The following CAMTA1 variants were observed in gnomAD, a reference collection of about 807,000 sequenced individuals.
CAMTA1 encodes calmodulin-binding transcription activator 1.
A neutral mutation model predicts 170.9 loss-of-function variants in CAMTA1; 27 were observed. The ratio of observed to expected loss-of-function variants is 0.16; its 90% CI spans 0.12 to 0.22. The LOEUF (loss-of-function observed/expected upper bound fraction) is 0.22. CAMTA1 is among the 10% of genes least tolerant of loss of function. CAMTA1 has a pLI of 1.00. For missense variants in CAMTA1, 1,619 were observed against 2,217.2 expected (o/e 0.73, Z 5.42); for synonymous variants, 833 against 891.5 (o/e 0.93, Z 1.17).
intron 2 of CAMTA1, among the ~76,000 whole-genome samples, chr1:6,823,673 T>C (rs1646782254): frequency 6.6e-6 from 1 of 152,198 alleles, no homozygotes; most frequent in Non-Finnish European, 1.5e-5. Flanking sequence ...AGAAGAAGTG[T>C]GTTAATCAGA....
At chr1:7,131,486 T>C (rs181777740) in intron 4 of CAMTA1, among the ~76,000 whole-genome samples, 37 of 152,062 alleles carry the variant, frequency 2.4e-4, no homozygotes, top group African/African-American at 8.0e-4. Context: ...TTAGTTTTTA[T>C]GTGTGGTGTG....
intron 4 of CAMTA1, among the ~76,000 whole-genome samples, chr1:7,182,880 T>A (rs1652496510): frequency 6.6e-6 from 1 of 152,198 alleles, no homozygotes; most frequent in African/African-American, 2.4e-5. Flanking sequence ...GGCTTTGAGC[T>A]GTCATTTTTA....
intron 6 of CAMTA1, among the ~76,000 whole-genome samples, chr1:7,581,299 G>C (rs2095258488): frequency 6.6e-6 from 1 of 152,240 alleles, no homozygotes; most frequent in Non-Finnish European, 1.5e-5. Flanking sequence ...CTGCAGCAAC[G>C]TTCTCTGAAT....
chr1:6,833,266 T>C (rs1651250728), intron 3 of CAMTA1, among the ~76,000 whole-genome samples: 1 of 152,246 alleles, frequency 6.6e-6, no homozygotes, highest in Non-Finnish European at 1.5e-5. Context: ...AGTTTTATTA[T>C]ACTATTACTT....
In CAMTA1 at chr1:7,276,303, A is replaced by ATATAATTTTTTTTTTTT; in HGVS notation, c.438+26678_438+26679insATAATTTTTTTTTTTTT. Among the ~76,000 whole-genome samples, 57 of 24,232 alleles carry ATATAATTTTTTTTTTTT rather than the reference A, an allele frequency of 2.4e-3. 4 individuals are homozygous for ATATAATTTTTTTTTTTT. Among genetic ancestry groups the ATATAATTTTTTTTTTTT allele is most frequent in the African/African-American group, 0.016 (54 of 3,364 alleles). 15.9% of individuals were successfully genotyped at this position (24,232 alleles called of 152,430 possible). ...CATATATATATATATATATATATAT[A>ATATAATTTTTTTTTTTT]TTTTTTTTTTTTTTTTTTCTTTTTG... On this transcript the variant is annotated intron_variant, in intron 5 of 22. Coordinates refer to ENST00000303635, the MANE Select transcript of CAMTA1 (RefSeq NM_015215.4).
At chr1:6,787,138 T>C (rs975010454) in intron 1 of CAMTA1, among the ~76,000 whole-genome samples, 1 of 152,280 alleles carries the variant, frequency 6.6e-6, no homozygotes, top group African/African-American at 2.4e-5. Flanking sequence ...TGCTTCGCAG[T>C]CAGCCATATT....
chr1:7,437,214 A>T (rs1465440234), intron 5 of CAMTA1, among the ~76,000 whole-genome samples: 1 of 152,164 alleles, frequency 6.6e-6, no homozygotes, highest in African/African-American at 2.4e-5. Flanking sequence ...GCCCCTCTTT[A>T]GCCTCCAGGC....
intron 1 of CAMTA1, among the ~76,000 whole-genome samples, chr1:6,810,456 T>C (rs1645029034): frequency 1.3e-5 from 2 of 152,170 alleles, no homozygotes; most frequent in African/African-American, 4.8e-5. Flanking sequence ...CATGTTCTGC[T>C]GGTTAGAAGC....
At chr1:7,005,257 C>T (rs1698811278) in intron 3 of CAMTA1, among the ~76,000 whole-genome samples, 1 of 152,224 alleles carries the variant, frequency 6.6e-6, no homozygotes, top group Non-Finnish European at 1.5e-5. Flanking sequence ...AAGTGACACT[C>T]TGGCCGGTTT....
intron 3 of CAMTA1, among the ~76,000 whole-genome samples, chr1:6,977,158 G>A (rs566608770): frequency 8.5e-5 from 13 of 152,116 alleles, no homozygotes; most frequent in African/African-American, 1.9e-4. Context: ...CGTGTGGGTC[G>A]GGTCCTGCTG....
intron 4 of CAMTA1, among the ~76,000 whole-genome samples, chr1:7,121,124 C>A (rs1197898165): frequency 1.3e-5 from 2 of 152,180 alleles, no homozygotes; most frequent in East Asian, 3.8e-4. Flanking sequence ...AACCACATTA[C>A]CTGGAGGATC....
intron 7 of CAMTA1, among the ~76,000 whole-genome samples, chr1:7,656,486 C>T (rs554249568): frequency 2.0e-5 from 3 of 152,268 alleles, no homozygotes; most frequent in Non-Finnish European, 4.4e-5. Context: ...CCTTAAAAGT[C>T]TGTTTCCAAA....
intron 5 of CAMTA1, among the ~76,000 whole-genome samples, chr1:7,425,287 G>A (rs2091816358): frequency 6.6e-6 from 1 of 152,130 alleles, no homozygotes; most frequent in Admixed American, 6.5e-5. Context: ...CTTGCAGGTG[G>A]CCCTTCCATG....
intron 3 of CAMTA1, among the ~76,000 whole-genome samples, chr1:7,068,982 G>A (rs1479895918): frequency 6.6e-6 from 1 of 152,210 alleles, no homozygotes; most frequent in Non-Finnish European, 1.5e-5. Flanking sequence ...CCCAGGGACG[G>A]TGGGAGGAAT....
intron 5 of CAMTA1, among the ~76,000 whole-genome samples, chr1:7,278,833 A>G (rs1356126265): frequency 6.6e-6 from 1 of 152,212 alleles, no homozygotes; most frequent in Non-Finnish European, 1.5e-5. Context: ...TAATCATCCA[A>G]TTGTATGAAA....
At chr1:7,303,169 G>A (rs1004597565) in intron 5 of CAMTA1, among the ~76,000 whole-genome samples, 5 of 152,138 alleles carry the variant, frequency 3.3e-5, no homozygotes, top group East Asian at 1.9e-4. Context: ...TATAAGCACC[G>A]TTATTATTAC....
chr1:7,761,377 G>A (rs144134078), intron 22 of CAMTA1, among the ~76,000 whole-genome samples: 2 of 152,262 alleles, frequency 1.3e-5, no homozygotes, highest in Non-Finnish European at 2.9e-5. Context: ...AGGGAAGACT[G>A]CTTTGCCTGT....
rs147896036 is a variant in CAMTA1, at chr1:6,831,474, G to C, written c.234+6264G>C. 1.6e-4 allele frequency among the ~76,000 whole-genome samples: 25 copies of C among 152,300 alleles called. No homozygotes were observed. In the East Asian group the frequency reaches 4.6e-3, roughly 28 times the overall value. Reference sequence around the variant, plus strand: ...ATTAGTACTCCATATATGTTGTCCAGACTGAAAATTGTTTTGTTTAGTCAT... The same window carrying C: ...ATTAGTACTCCATATATGTTGTCCACACTGAAAATTGTTTTGTTTAGTCAT... On this transcript the variant is annotated intron_variant, in intron 3 of 22. Transcript: ENST00000303635.
At chr1:7,128,218 C>G (rs558575349) in intron 4 of CAMTA1, among the ~76,000 whole-genome samples, 21 of 152,288 alleles carry the variant, frequency 1.4e-4, no homozygotes, top group South Asian at 1.0e-3. Flanking sequence ...CCCCCTACCT[C>G]GCCCATGTGC....
Sources: allele counts gnomAD v4.1 joint callset (sites outside exome capture counted in the v4.1 genomes callset), GRCh38; gene constraint gnomAD v4.1.1; transcripts MANE v1.5; gene names NCBI Gene and HGNC (gene_info 2026-07-23, HGNC 2026-07-21).